The following PDC variants were observed in gnomAD, a reference collection of about 807,000 sequenced individuals.
PDC encodes the protein phosducin.
In PDC, 19 loss-of-function variants were observed where a neutral mutation model predicts 22.2. The observed-to-expected ratio is 0.86, with a 90% CI of 0.60 to 1.26. The LOEUF is 1.26. Among genes scored for constraint, PDC ranks in the 50% most tolerant of loss-of-function variants. The pLI, the probability that PDC is intolerant of heterozygous loss-of-function variation, is 0.00. For synonymous variants in PDC, 97 were observed against 96.2 expected (o/e 1.01, Z -0.05); for missense variants, 274 against 286.8 (o/e 0.96, Z 0.32).
chr1:186,445,115 C>G (rs886182115), intron 3 of PDC, among the ~76,000 whole-genome samples: 9 of 152,102 alleles, frequency 5.9e-5, no homozygotes, highest in African/African-American at 2.2e-4. Flanking sequence ...GCAGGGCCTT[C>G]CATAATAGCT....
At chr1:186,455,994 AATATATATATATATAT>A (rs71104863) in intron 1 of PDC, among the ~76,000 whole-genome samples, 87 of 77,098 alleles carry the variant, frequency 1.1e-3, no homozygotes, top group South Asian at 2.6e-3. Flanking sequence ...AAAAAAAAAA[AATATATATATATATAT>A]ATATATATAT....
At chr1:186,458,573 T>A (rs1041511561) in intron 1 of PDC, among the ~76,000 whole-genome samples, 1 of 151,200 alleles carries the variant, frequency 6.6e-6, no homozygotes, top group African/African-American at 2.5e-5. Context: ...TCTTGCTTGA[T>A]ATTCTCAAGC....
intron 1 of PDC, among the ~76,000 whole-genome samples, chr1:186,455,807 A>C (rs1316170418): frequency 1.5e-3 from 209 of 139,966 alleles, no homozygotes; most frequent in Middle Eastern, 3.6e-3. Flanking sequence ...TAAAAAAAAA[A>C]AAAAAAAAAA....
chr1:186,447,132 A>G (rs1256747699), intron 2 of PDC, among the ~76,000 whole-genome samples: 1 of 150,696 alleles, frequency 6.6e-6, no homozygotes, highest in Non-Finnish European at 1.5e-5. Flanking sequence ...TTGCAAACAT[A>G]GAAAGAATAG....
intron 2 of PDC, chr1:186,448,509 TTCC>T (rs1431809569): frequency 6.2e-6 from 1 of 161,322 alleles, no homozygotes; most frequent in Admixed American, 6.5e-5. Context: ...TTGACTTTTG[TTCC>T]TGGTGACCTT....
At chr1:186,448,652 GTTGTTT>G in intron 2 of PDC, 1 of 931,940 alleles carries the variant, frequency 1.1e-6, no homozygotes, top group Non-Finnish European at 1.3e-6. Flanking sequence ...TCTTTTTGTT[GTTGTTT>G]TTGTTTTTGT....
At position 186,444,111 on chromosome 1, in the gene PDC, A is replaced by C. The variant is rs894030914; in HGVS notation, c.609T>G (p.Ser203Arg). Residue 203 changes from serine to arginine, a missense_variant, in exon 4 of 4, where the codon AGT becomes AGG. Transcript: ENST00000391997. Reference sequence around the variant, plus strand: ...ATTCTTCAGCAAACTGTTCAGCAACACTAATAAAATTGCTTATGAGTTCCC... The same window carrying C: ...ATTCTTCAGCAAACTGTTCAGCAACCCTAATAAAATTGCTTATGAGTTCCC... ...KGGELISNFI[S>R]VAEQFAEEFF... 6.2e-7 allele frequency: 1 copy of C among 1,614,074 alleles called. No homozygotes were observed.
chr1:186,448,063 T>C (rs563386766), intron 2 of PDC, among the ~76,000 whole-genome samples: 89 of 152,336 alleles, frequency 5.8e-4, no homozygotes, highest in African/African-American at 2.0e-3. Context: ...TTAATCGTGA[T>C]CTACATTGTT....
intron 1 of PDC, among the ~76,000 whole-genome samples, chr1:186,457,552 T>C (rs1662494703): frequency 6.6e-6 from 1 of 152,260 alleles, no homozygotes. Context: ...GCATTTATGT[T>C]GTAATGCTTT....
At chr1:186,459,627 C>A (rs1223787114) in intron 1 of PDC, among the ~76,000 whole-genome samples, 1 of 150,988 alleles carries the variant, frequency 6.6e-6, no homozygotes, top group East Asian at 1.9e-4. Flanking sequence ...AATATCAAAT[C>A]CACTTATAAA....
chr1:186,451,763 T>TA (rs1183053206), intron 1 of PDC: 11 of 152,232 alleles, frequency 7.2e-5, no homozygotes, highest in African/African-American at 2.7e-4. Flanking sequence ...AATGAAAAGA[T>TA]AATCCAGTTA....
chr1:186,458,927 C>T (rs945448773), intron 1 of PDC, among the ~76,000 whole-genome samples: 1 of 152,160 alleles, frequency 6.6e-6, no homozygotes, highest in African/African-American at 2.4e-5. Context: ...TTTGAGAGGC[C>T]AAGGCAGGTG....
At chr1:186,458,439 C>CA (rs1662514633) in intron 1 of PDC, among the ~76,000 whole-genome samples, 1 of 149,508 alleles carries the variant, frequency 6.7e-6, no homozygotes, top group Non-Finnish European at 1.5e-5. Flanking sequence ...GCTGGTTGTG[C>CA]AATATCAACC....
intron 1 of PDC, among the ~76,000 whole-genome samples, chr1:186,455,200 G>A (rs577769555): frequency 6.6e-6 from 1 of 152,308 alleles, no homozygotes; most frequent in South Asian, 2.1e-4. Flanking sequence ...CTGGCTTGCA[G>A]ATGGCTGCCT....
At position 186,443,806 on chromosome 1, in the gene PDC, A is replaced by C. The variant is rs1280961482; in HGVS notation, c.*173T>G. On this transcript the variant is annotated 3_prime_UTR_variant, in exon 4 of 4. Transcript: ENST00000391997. The stretch of plus-strand genomic sequence containing the variant: ...CTGTTTTGTAGTCAAGCATTGTATC[A>C]ATTTGAGTAACTAATACTAAGAAAT... 3 of 582,950 alleles carry C rather than the reference A, an allele frequency of 5.1e-6. No homozygotes were observed. Among genetic ancestry groups the C allele is most frequent in the African/African-American group, 3.7e-5 (2 of 53,780 alleles). 36.1% of individuals were successfully genotyped at this position (582,950 alleles called of 1,614,324 possible).
intron 1 of PDC, among the ~76,000 whole-genome samples, chr1:186,450,592 C>G (rs1662333651): frequency 6.6e-6 from 1 of 152,024 alleles, no homozygotes; most frequent in Non-Finnish European, 1.5e-5. Context: ...CTTGGCCTCT[C>G]AAAATGCTGG....
chr1:186,460,838 G>A (rs1431482189), intron 1 of PDC, among the ~76,000 whole-genome samples: 7 of 152,164 alleles, frequency 4.6e-5, no homozygotes, highest in Non-Finnish European at 1.0e-4. Context: ...AAAATTGCGT[G>A]TTTACTCTGA....
At chr1:186,452,931 A>G (rs1208306489) in intron 1 of PDC, among the ~76,000 whole-genome samples, 1 of 152,174 alleles carries the variant, frequency 6.6e-6, no homozygotes, top group Non-Finnish European at 1.5e-5. Context: ...GTACTTTTTT[A>G]TTTTAAATAG....
At chr1:186,448,769 A>G in intron 2 of PDC, 2 of 318,162 alleles carry the variant, frequency 6.3e-6, no homozygotes, top group Non-Finnish European at 9.1e-6. Context: ...GGCTAAATTT[A>G]ATGGCTCAAT....
Sources: gnomAD v4.1 joint callset for allele counts (sites outside exome capture counted in the v4.1 genomes callset) on GRCh38, gnomAD v4.1.1 for gene constraint, MANE v1.5 for transcripts, NCBI Gene and HGNC (gene_info 2026-07-23, HGNC 2026-07-21) for gene names.